KLF12: variants seen among roughly 807,000 people sequenced by gnomAD.
KLF12 encodes the protein Krueppel-like factor 12.
KLF12 carries 9 observed loss-of-function variants against 37.8 expected under a neutral mutation model. The ratio of observed to expected loss-of-function variants is 0.24; its 90% CI spans 0.14 to 0.42. KLF12 has a LOEUF of 0.42. Ranked by LOEUF, KLF12 falls within the 10% of genes least tolerant of loss-of-function variation. KLF12 has a pLI of 1.00. For missense variants in KLF12, 411 were observed against 516.0 expected, an observed-to-expected ratio of 0.80 and a Z score of 1.97; for synonymous variants, 208 against 202.1, an observed-to-expected ratio of 1.03 and a Z score of -0.25.
At chr13:73,715,689 C>A (rs543708054) in intron 6 of KLF12, among the ~76,000 whole-genome samples, 164 bp from the exon 7 acceptor site, 6 of 152,204 alleles carry the variant, frequency 3.9e-5, no homozygotes, top group African/African-American at 1.4e-4. Flanking sequence ...CTTTTCGAAA[C>A]CTGAAAGGCA....
the KLF12 span, among the ~76,000 whole-genome samples, chr13:74,151,644 C>A: frequency 7.0e-6 from 1 of 143,740 alleles, no homozygotes. Flanking sequence ...TGGAGTGAGA[C>A]CCCATCTCAA....
chr13:74,135,416 C>G (rs374871152), upstream of KLF12, among the ~76,000 whole-genome samples: 55 of 152,088 alleles, frequency 3.6e-4, no homozygotes, highest in African/African-American at 1.2e-3. Flanking sequence ...GACGCTCTCC[C>G]CGGCAGCCCC....
At chr13:74,140,153 T>C in the KLF12 span, among the ~76,000 whole-genome samples, 1 of 152,238 alleles carries the variant, frequency 6.6e-6, no homozygotes, top group Non-Finnish European at 1.5e-5. Flanking sequence ...CTCTAAGTTG[T>C]GTTACTGAAA....
At chr13:73,835,096 T>C (rs576248200) in intron 4 of KLF12, among the ~76,000 whole-genome samples, 24 of 150,512 alleles carry the variant, frequency 1.6e-4, no homozygotes, top group African/African-American at 4.2e-4. Context: ...AAATCAAATA[T>C]AGTCCTAAAA....
chr13:73,853,273 T>C (rs1020031236), intron 3 of KLF12, among the ~76,000 whole-genome samples: 1 of 152,252 alleles, frequency 6.6e-6, no homozygotes, highest in African/African-American at 2.4e-5. Flanking sequence ...GTTATATTTT[T>C]TCATGACCTA....
At chr13:74,241,456 C>T in the KLF12 span, among the ~76,000 whole-genome samples, 3 of 152,220 alleles carry the variant, frequency 2.0e-5, no homozygotes, top group Non-Finnish European at 4.4e-5. Context: ...CCTCCTTGAG[C>T]TGTGGTGGGC....
chr13:74,275,118 T>C, the KLF12 span, among the ~76,000 whole-genome samples: 2 of 152,168 alleles, frequency 1.3e-5, no homozygotes, highest in Non-Finnish European at 2.9e-5. Context: ...TTGGGGGAAA[T>C]TGTTCAAAGC....
chr13:74,092,217 A>G (rs1875709570), intron 1 of KLF12, among the ~76,000 whole-genome samples: 1 of 150,976 alleles, frequency 6.6e-6, no homozygotes, highest in South Asian at 2.1e-4. Context: ...GAATCACTTG[A>G]ACCCGGGAGG....
rs537474787 is a variant in KLF12 at position 74,019,241 on chromosome 13, GAAGTTC to G, written c.-31-24194_-31-24189del. 1.8e-4 allele frequency among the ~76,000 whole-genome samples: 28 copies of G among 152,248 alleles called. No individual in the cohort carries two copies. In the East Asian group the frequency reaches 5.2e-3, roughly 28 times the overall value. Reference sequence around the variant, plus strand: ...GAAATTAGGATTGGTCTTGTCTACTGAAGTTCAAGTTTTTAAGTGGTTTTACCAAAG... The same window carrying G: ...GAAATTAGGATTGGTCTTGTCTACTGAAGTTTTTAAGTGGTTTTACCAAAG... On this transcript the variant is annotated intron_variant, in intron 1 of 7. Coordinates refer to ENST00000377669, the MANE Select transcript of KLF12 (RefSeq NM_007249.5).
At chr13:74,041,743 A>G (rs1319814327) in intron 1 of KLF12, among the ~76,000 whole-genome samples, 1 of 151,016 alleles carries the variant, frequency 6.6e-6, no homozygotes, top group African/African-American at 2.4e-5. Flanking sequence ...CCCCTTCAAA[A>G]CAGAAAAGAA....
chr13:74,137,888 G>A (rs1446195421), upstream of KLF12, among the ~76,000 whole-genome samples: 3 of 152,224 alleles, frequency 2.0e-5, no homozygotes, highest in African/African-American at 7.2e-5. Flanking sequence ...AGACTCACAA[G>A]TAGCTAGGAT....
In KLF12 at chr13:73,691,051, T is replaced by C. The variant is rs1192337268; in HGVS notation, c.*4439A>G. ...TAACTATAAAATGCAGGCAGAGTCA[T>C]ATATAGTATTATAAGCCGGTTTCCT... On this transcript the variant is annotated 3_prime_UTR_variant, in exon 8 of 8. Coordinates refer to ENST00000377669, the MANE Select transcript of KLF12 (RefSeq NM_007249.5). 6.6e-6 allele frequency: 1 copy of C among 152,640 alleles called. No homozygotes were observed. Among genetic ancestry groups the C allele is most frequent in the Non-Finnish European group, 1.5e-5 (1 of 68,024 alleles). The allele number at this position is 152,640 out of a possible 1,614,324, so 9.5% of individuals were successfully genotyped here. A position where few individuals can be genotyped will look rare whatever the true frequency, so the allele number is the denominator to read the frequency against.
intron 3 of KLF12, among the ~76,000 whole-genome samples, chr13:73,884,437 A>G (rs752802063): frequency 1.3e-5 from 2 of 152,246 alleles, no homozygotes; most frequent in Non-Finnish European, 2.9e-5. Context: ...CAATAAAAGA[A>G]AAGACTTTTG....
intron 3 of KLF12, among the ~76,000 whole-genome samples, chr13:73,900,093 G>C (rs1481731704): frequency 6.6e-6 from 1 of 152,148 alleles, no homozygotes; most frequent in Non-Finnish European, 1.5e-5. Flanking sequence ...AGAAAAGGAA[G>C]ATAGCCCTAT....
chr13:74,070,388 G>C (rs1011772203), intron 1 of KLF12, among the ~76,000 whole-genome samples: 3 of 152,210 alleles, frequency 2.0e-5, no homozygotes, highest in African/African-American at 7.2e-5. Flanking sequence ...GAGATAGAAT[G>C]GACTATGAAG....
chr13:74,104,699 T>C (rs1025559646), intron 1 of KLF12, among the ~76,000 whole-genome samples: 1 of 152,238 alleles, frequency 6.6e-6, no homozygotes, highest in African/African-American at 2.4e-5. Context: ...AATATACATA[T>C]AGTGCTCCAA....
At chr13:73,859,222 A>G (rs7139811) in intron 3 of KLF12, among the ~76,000 whole-genome samples, 124,977 of 152,122 alleles carry the variant, frequency 0.82, 52,237 homozygotes, top group East Asian at 0.92. Flanking sequence ...GGGTAGGGAG[A>G]GCTTCTAAGG....
At chr13:73,994,801 AGT>A (rs1374229397) in intron 2 of KLF12, among the ~76,000 whole-genome samples, 187 bp downstream of exon 2, 1 of 152,180 alleles carries the variant, frequency 6.6e-6, no homozygotes, top group Non-Finnish European at 1.5e-5. Flanking sequence ...AAAAATGAGG[AGT>A]TGCTTCCATA....
chr13:73,901,484 T>G (rs948432992), intron 3 of KLF12, among the ~76,000 whole-genome samples: 1 of 152,142 alleles, frequency 6.6e-6, no homozygotes, highest in Non-Finnish European at 1.5e-5. Flanking sequence ...TGTGTGTGTA[T>G]GTGTGTTGGG....
Sources: allele counts gnomAD v4.1 joint callset (sites outside exome capture counted in the v4.1 genomes callset), GRCh38; gene constraint gnomAD v4.1.1; transcripts MANE v1.5; gene names NCBI Gene and HGNC (gene_info 2026-07-23, HGNC 2026-07-21).